AIM2: variants seen among roughly 807,000 people sequenced by gnomAD.
AIM2 encodes absent in melanoma 2, also known as interferon-inducible protein AIM2.
Under a neutral mutation model 27.7 loss-of-function variants are expected in AIM2, and 30 were observed. The observed-to-expected ratio is 1.08, with a 90% CI of 0.81 to 1.47. The LOEUF (loss-of-function observed/expected upper bound fraction) is 1.47, where lower values mean the gene tolerates loss of function less well. Among genes scored for constraint, AIM2 ranks in the 40% most tolerant of loss-of-function variants. The pLI, the probability that AIM2 is intolerant of heterozygous loss-of-function variation, is 0.00. For synonymous variants in AIM2, 141 were observed against 145.3 expected (o/e 0.97, Z 0.21); for missense variants, 358 against 411.3 (o/e 0.87, Z 1.12).
chr1:159,089,034 T>G (rs1218857609), intron 1 of AIM2, among the ~76,000 whole-genome samples: 1 of 152,220 alleles, frequency 6.6e-6, no homozygotes, highest in African/African-American at 2.4e-5. Flanking sequence ...CCAAACCCAT[T>G]ACATCTTACT....
chr1:159,117,051 T>C (rs1331115790), intron 1 of AIM2, among the ~76,000 whole-genome samples: 4 of 152,110 alleles, frequency 2.6e-5, no homozygotes, highest in Admixed American at 2.0e-4. Flanking sequence ...CAGAAATGAA[T>C]GAGAAAAATG....
intron 1 of AIM2, among the ~76,000 whole-genome samples, chr1:159,074,885 C>A (rs1404966210): frequency 6.6e-6 from 1 of 151,978 alleles, no homozygotes; most frequent in African/African-American, 2.4e-5. Flanking sequence ...ATGAAGACAG[C>A]AGTGTTGTCA....
intron 1 of AIM2, among the ~76,000 whole-genome samples, chr1:159,087,264 T>C (rs1476478989): frequency 1.3e-5 from 2 of 151,786 alleles, no homozygotes; most frequent in African/African-American, 4.8e-5. Context: ...ATATTGACAA[T>C]ACTAGTGATA....
intron 1 of AIM2, among the ~76,000 whole-genome samples, chr1:159,124,297 G>A (rs951541579): frequency 2.6e-5 from 4 of 152,164 alleles, no homozygotes; most frequent in Non-Finnish European, 4.4e-5. Context: ...AATGCAGTTC[G>A]ATATGGACTC....
At position 159,120,372 on chromosome 1, in the gene AIM2, C is replaced by T. The variant is rs138335716; in HGVS notation, c.-16+20059G>A. Among the ~76,000 whole-genome samples, 390 of 152,178 alleles carry T rather than the reference C, an allele frequency of 2.6e-3. 1 individual carries two copies. The highest frequency in any genetic ancestry group is 8.9e-3 in the African/African-American group (369 of 41,518). On this transcript the variant is annotated intron_variant, in intron 1 of 2. Coordinates refer to the AIM2 transcript ENST00000368129. ...ATATGCAATTCAGTCAATTTTTTAG[C>T]CTTTAATTAGGAAGACAAGACGTGC...
At chr1:159,069,276 C>A (rs192026157) in intron 2 of AIM2, among the ~76,000 whole-genome samples, 1 of 152,108 alleles carries the variant, frequency 6.6e-6, no homozygotes, top group Non-Finnish European at 1.5e-5. Flanking sequence ...TCCAGTAATA[C>A]CATTCACAGG....
intron 1 of AIM2, among the ~76,000 whole-genome samples, chr1:159,084,166 T>C (rs1439519001): frequency 6.6e-6 from 1 of 152,230 alleles, no homozygotes; most frequent in Non-Finnish European, 1.5e-5. Context: ...AATTTAAATC[T>C]GGTTATTTTC....
At chr1:159,115,916 T>G (rs1214587202) in intron 1 of AIM2, among the ~76,000 whole-genome samples, 1 of 151,676 alleles carries the variant, frequency 6.6e-6, no homozygotes, top group Non-Finnish European at 1.5e-5. Context: ...TGGGAGAAAA[T>G]TTTTGCAATC....
intron 1 of AIM2, among the ~76,000 whole-genome samples, chr1:159,103,422 A>G (rs1415461983): frequency 6.6e-6 from 1 of 151,936 alleles, no homozygotes; most frequent in Non-Finnish European, 1.5e-5. Context: ...ATGGGTTCAC[A>G]ATATTCCTCA....
At chr1:159,139,407 C>A (rs1257463882) in intron 1 of AIM2, among the ~76,000 whole-genome samples, 1 of 152,150 alleles carries the variant, frequency 6.6e-6, no homozygotes, top group Non-Finnish European at 1.5e-5. Context: ...GTACCCTCCC[C>A]GTATGCTTAG....
At chr1:159,065,352 C>T (rs1378540424) in intron 4 of AIM2, among the ~76,000 whole-genome samples, 1 of 152,220 alleles carries the variant, frequency 6.6e-6, no homozygotes, top group Non-Finnish European at 1.5e-5. Flanking sequence ...TGTGAAGTGA[C>T]AGCCTTGTGT....
At chr1:159,068,518 A>G (rs2101974559) in intron 3 of AIM2, 50 bp downstream of exon 3, 2 of 1,541,318 alleles carry the variant, frequency 1.3e-6, no homozygotes, top group Non-Finnish European at 1.7e-6. Context: ...AGTGACAGTG[A>G]CAGTGATGCT....
upstream of AIM2, among the ~76,000 whole-genome samples, chr1:159,143,474 T>G (rs889138475): frequency 6.6e-6 from 1 of 152,010 alleles, no homozygotes; most frequent in Non-Finnish European, 1.5e-5. Flanking sequence ...AAGGGGACTA[T>G]ATGGTTGTAA....
chr1:159,126,196 G>C (rs781129068), intron 1 of AIM2, among the ~76,000 whole-genome samples: 1 of 152,164 alleles, frequency 6.6e-6, no homozygotes, highest in Non-Finnish European at 1.5e-5. Context: ...GGAAGTCAGG[G>C]AAGGACGAAG....
Position 159,068,637 on chromosome 1 carries a change from A to C in AIM2, c.327T>G (p.Ala109=). Residue 109 remains alanine (A), a synonymous_variant, in exon 3 of 6, where the codon GCT becomes GCG. Coordinates refer to ENST00000368130, the MANE Select transcript of AIM2 (RefSeq NM_004833.3). ...CATCATTTCTGATGGCTGCAGATGC[A>C]GCAGGACTCATTTCAGCTTGACTTA... ...KPLSQAEMSP[A]ASAAIRNDVA... is the part of the protein sequence containing the mutation. 6.2e-7 allele frequency: 1 copy of C among 1,613,946 alleles called. No individual in the cohort carries two copies. The highest frequency in any genetic ancestry group is 8.5e-7 in the Non-Finnish European group (1 of 1,179,882).
chr1:159,136,030 C>G lies in AIM2; in HGVS notation c.-16+4401G>C, dbSNP rs1430103158. On this transcript the variant is annotated intron_variant, in intron 1 of 2. Transcript: ENST00000368129. The stretch of plus-strand genomic sequence containing the variant: ...CCTAACACGACCCTTTCCACGGGGA[C>G]TAGAATCTGAGGATTGTTGTAGGAC... Among the ~76,000 whole-genome samples, 3 of 152,198 alleles carry G rather than the reference C, an allele frequency of 2.0e-5. No homozygotes were observed. The East Asian group carries it at 5.8e-4, about 29-fold the overall frequency.
At chr1:159,061,989 A>G (rs1655853666), downstream of AIM2, among the ~76,000 whole-genome samples, 1 of 152,026 alleles carries the variant, frequency 6.6e-6, no homozygotes, top group Non-Finnish European at 1.5e-5. Flanking sequence ...TTTGGAGTTT[A>G]TTTTTGTATA....
At chr1:159,112,952 AT>A (rs930194139) in intron 1 of AIM2, among the ~76,000 whole-genome samples, 13 of 126,350 alleles carry the variant, frequency 1.0e-4, no homozygotes, top group Admixed American at 2.9e-4. Context: ...TATATATATA[AT>A]TTTTTTTTTG....
Position 159,066,160 on chromosome 1 carries a change from A to G in AIM2, c.566T>C (p.Phe189Ser), listed in dbSNP as rs1656082800. The G allele has an allele frequency of 6.2e-7, 1 of 1,614,054 alleles. No homozygotes were observed. The highest frequency in any genetic ancestry group is 1.1e-5 in the South Asian group (1 of 91,088). The change falls in exon 4 of 6, where the codon TTT (phenylalanine) becomes TCT (serine). Residue 189 changes from phenylalanine to serine, a missense_variant. By Grantham distance (155) the Phe-to-Ser change is radical (BLOSUM62 -2). Transcript: ENST00000368130. Reference protein sequence around the residue: ...ATVATEKEFFFVKVFNTLLKD... With the variant: ...ATVATEKEFFSVKVFNTLLKD... ...CAGCAGTGTATTAAAAACTTTTACA[A>G]AGAAGAATTCCTTTTCTGTAGCCAC...
Sources: gnomAD v4.1 joint callset for allele counts (sites outside exome capture counted in the v4.1 genomes callset) on GRCh38, gnomAD v4.1.1 for gene constraint, MANE v1.5 for transcripts, NCBI Gene and HGNC (gene_info 2026-07-23, HGNC 2026-07-21) for gene names.